Variants in SEPSECS observed in about 807,000 individuals in gnomAD.
The protein encoded by SEPSECS is O-phosphoseryl-tRNA(Sec) selenium transferase.
Under a neutral mutation model 52.1 loss-of-function variants are expected in SEPSECS, and 42 were observed. The ratio of observed to expected loss-of-function variants is 0.81; its 90% CI spans 0.63 to 1.04. The LOEUF (loss-of-function observed/expected upper bound fraction) is 1.04. SEPSECS is among the 50% of genes least tolerant of loss of function. The probability of loss-of-function intolerance (pLI) is 0.00; values close to 1 mark genes in which losing one functional copy is unlikely to be tolerated. For missense variants in SEPSECS, 590 were observed against 610.6 expected (o/e 0.97, Z 0.36); for synonymous variants, 216 against 211.4 (o/e 1.02, Z -0.19).
intron 4 of SEPSECS, 36 bp from the exon 5 acceptor site, chr4:25,155,187 G>A (rs1469703028): frequency 1.9e-6 from 3 of 1,608,960 alleles, no homozygotes; most frequent in Non-Finnish European, 2.6e-6. Flanking sequence ...ATGTTAGTGT[G>A]AACTAAAATA....
chr4:25,146,429 A>G (rs1161268658), intron 6 of SEPSECS, among the ~76,000 whole-genome samples: 1 of 152,092 alleles, frequency 6.6e-6, no homozygotes, highest in East Asian at 1.9e-4. Context: ...AGAAAATCTC[A>G]CCATATCACA....
rs553236888 is a variant in SEPSECS, at chr4:25,159,934, G to C, written c.114+322C>G. ...TCGTTGAGGGTTGGTGAAAGATGGA[G>C]GTGCGAACTTTGCCCTTTCCGCGAA... On this transcript the variant is annotated intron_variant, in intron 1 of 10. Transcript: ENST00000382103. The C allele has an allele frequency of 3.1e-5, 31 of 985,362 alleles. No homozygotes were observed. The South Asian group carries it at 1.3e-3, about 42-fold the overall frequency. The allele number at this position is 985,362 out of a possible 1,614,324, so 61.0% of individuals were successfully genotyped here. A position where few individuals can be genotyped will look rare whatever the true frequency, so the allele number is the denominator to read the frequency against.
chr4:25,147,130 ATC>A (rs1712008066), intron 6 of SEPSECS, among the ~76,000 whole-genome samples: 1 of 152,134 alleles, frequency 6.6e-6, no homozygotes, highest in African/African-American at 2.4e-5. Flanking sequence ...TCTGACTGGA[ATC>A]TCTCTCTCTA....
rs151258569 is a variant in SEPSECS, at chr4:25,149,602, G to A, written c.804+2358C>T. 1.3e-3 allele frequency among the ~76,000 whole-genome samples: 191 copies of A among 152,282 alleles called. No individual in the cohort carries two copies. The Middle Eastern group carries it at 0.024, about 19-fold the overall frequency. ...GTATTTGTTAGGGTAATAGCATTAT[G>A]AGTGATCTTCTACTCCTTCCTCATT... is the stretch of plus-strand genomic sequence containing the variant. On this transcript the variant is annotated intron_variant, in intron 6 of 10. Transcript: ENST00000382103.
In SEPSECS at chr4:25,121,799, T is replaced by C. The variant is rs1272727543; in HGVS notation, c.*2132A>G. On this transcript the variant is annotated 3_prime_UTR_variant, in exon 11 of 11. Coordinates refer to ENST00000382103, the MANE Select transcript of SEPSECS (RefSeq NM_016955.4). ...TCTATCATTCACATGTGAGTTCATG[T>C]AATTTATGTTCAATTAGAATTATTA... 4 of 152,198 alleles carry C rather than the reference T, an allele frequency of 2.6e-5. No individual in the cohort carries two copies. Among genetic ancestry groups the C allele is most frequent in the Non-Finnish European group, 4.4e-5 (3 of 68,008 alleles). The allele number at this position is 152,198 out of a possible 1,614,324, so 9.4% of individuals were successfully genotyped here.
chr4:25,154,906 T>C (rs1396430975), intron 5 of SEPSECS, 92 bp downstream of exon 5: 2 of 1,280,972 alleles, frequency 1.6e-6, no homozygotes, highest in South Asian at 2.5e-5. Context: ...ACCTATTTAT[T>C]GTGAAGTGTT....
chr4:25,154,612 AT>A (rs539983108), intron 5 of SEPSECS, among the ~76,000 whole-genome samples: 103 of 151,842 alleles, frequency 6.8e-4, no homozygotes, highest in African/African-American at 1.6e-3. Flanking sequence ...AACAATCCTA[AT>A]TTTTTTTTAA....
chr4:25,123,807 C>G lies in SEPSECS; in HGVS notation c.*124G>C. ...AATGGCTAGTTCAGACCAAAGTCTG[C>G]TCCTTGACTGAATATTCCCATGAAA... On this transcript the variant is annotated 3_prime_UTR_variant, in exon 11 of 11. Coordinates refer to ENST00000382103, the MANE Select transcript of SEPSECS (RefSeq NM_016955.4). 1 of 846,272 alleles carries G rather than the reference C, an allele frequency of 1.2e-6. No homozygotes were observed. The highest frequency in any genetic ancestry group is 1.7e-5 in the African/African-American group (1 of 59,738). The allele number at this position is 846,272 out of a possible 1,614,324, so 52.4% of individuals were successfully genotyped here.
At chr4:25,150,805 A>G (rs1417326023) in intron 6 of SEPSECS, among the ~76,000 whole-genome samples, 2 of 152,140 alleles carry the variant, frequency 1.3e-5, no homozygotes, top group African/African-American at 2.4e-5. Context: ...TAGGAGTTTG[A>G]GACCAGTCTG....
intron 8 of SEPSECS, among the ~76,000 whole-genome samples, chr4:25,130,247 G>A (rs1176314477): frequency 6.6e-6 from 1 of 152,188 alleles, no homozygotes; most frequent in African/African-American, 2.4e-5. Context: ...TTGTGAATAA[G>A]CTGAACCTGA....
chr4:25,150,291 C>A (rs1477366707), intron 6 of SEPSECS, among the ~76,000 whole-genome samples: 1 of 152,182 alleles, frequency 6.6e-6, no homozygotes, highest in African/African-American at 2.4e-5. Flanking sequence ...ATATTAACAT[C>A]ATTATGCACA....
chr4:25,149,397 C>T (rs1482450785), intron 6 of SEPSECS, among the ~76,000 whole-genome samples: 1 of 151,822 alleles, frequency 6.6e-6, no homozygotes, highest in Non-Finnish European at 1.5e-5. Flanking sequence ...AGGTGCACCA[C>T]CAAATTTTCT....
intron 6 of SEPSECS, among the ~76,000 whole-genome samples, chr4:25,147,572 CT>C (rs1712038602): frequency 6.6e-6 from 1 of 152,142 alleles, no homozygotes; most frequent in African/African-American, 2.4e-5. Flanking sequence ...TGTGACTCTA[CT>C]ATATCCCTCT....
At chr4:25,153,685 C>T (rs547620147) in intron 5 of SEPSECS, among the ~76,000 whole-genome samples, 1 of 151,646 alleles carries the variant, frequency 6.6e-6, no homozygotes, top group Admixed American at 6.6e-5. Flanking sequence ...GTAAAAAAAA[C>T]AAAAAACAAA....
At chr4:25,133,357 TA>T (rs1338479403) in intron 8 of SEPSECS, among the ~76,000 whole-genome samples, 3 of 152,196 alleles carry the variant, frequency 2.0e-5, no homozygotes, top group Non-Finnish European at 2.9e-5. Context: ...TACTCCAACA[TA>T]AAATTTCTCC....
At position 25,145,144 on chromosome 4, in the gene SEPSECS, TATG is replaced by T. The variant is rs762277604; in HGVS notation, c.805-14_805-12del. 25 of 1,613,654 alleles carry T rather than the reference TATG, an allele frequency of 1.5e-5. No homozygotes were observed. Among genetic ancestry groups the T allele is most frequent in the Non-Finnish European group, 1.9e-5 (22 of 1,179,762 alleles). On this transcript the variant is annotated splice_polypyrimidine_tract_variant and intron_variant, in intron 6 of 10. Coordinates refer to ENST00000382103, the MANE Select transcript of SEPSECS (RefSeq NM_016955.4). ...ACCAACTCGAGCCCCCTGGAATCAA[TATG>T]ATATTACATATTAGTTGCTAGGAAA...
Position 25,123,527 on chromosome 4 carries a change from T to G in SEPSECS, c.*404A>C, listed in dbSNP as rs1443468888. The G allele has an allele frequency of 3.8e-5, 8 of 212,530 alleles. No individual in the cohort carries two copies. The highest frequency in any genetic ancestry group is 2.9e-5 in the Non-Finnish European group (3 of 104,092). The allele number at this position is 212,530 out of a possible 1,614,324, so 13.2% of individuals were successfully genotyped here. On this transcript the variant is annotated 3_prime_UTR_variant, in exon 11 of 11. Coordinates refer to ENST00000382103, the MANE Select transcript of SEPSECS (RefSeq NM_016955.4). The stretch of plus-strand genomic sequence containing the variant: ...TGACTTACACATCTCAACAAACAAC[T>G]AGTAACTAGTGGCCTAAGAGATCTT...
At chr4:25,127,792 A>G (rs1728442085) in intron 8 of SEPSECS, among the ~76,000 whole-genome samples, 1 of 152,090 alleles carries the variant, frequency 6.6e-6, no homozygotes, top group Non-Finnish European at 1.5e-5. Context: ...TCCCCTGATG[A>G]CTTCCTCCAG....
upstream of SEPSECS, chr4:25,160,552 G>C (rs1713022851): frequency 3.8e-6 from 2 of 526,366 alleles, no homozygotes; most frequent in Admixed American, 7.3e-5. Context: ...GACCTTCTCA[G>C]ATGGCGCTCC....
Sources: gnomAD v4.1 joint callset for allele counts (sites outside exome capture counted in the v4.1 genomes callset) on GRCh38, gnomAD v4.1.1 for gene constraint, MANE v1.5 for transcripts, NCBI Gene and HGNC (gene_info 2026-07-23, HGNC 2026-07-21) for gene names.